GRK5: variants seen among roughly 807,000 people sequenced by gnomAD.
The protein encoded by GRK5 is G protein-coupled receptor kinase 5.
GRK5 carries 40 observed loss-of-function variants against 78.4 expected under a neutral mutation model. That is an observed-to-expected ratio of 0.51 (90% confidence interval 0.40 to 0.66). GRK5 has a LOEUF of 0.66. Ranked by LOEUF, GRK5 falls within the 30% of genes least tolerant of loss-of-function variation. The pLI is 0.00. For synonymous variants in GRK5, 289 were observed against 296.8 expected (o/e 0.97, Z 0.27); for missense variants, 598 against 759.9 (o/e 0.79, Z 2.50).
chr10:119,227,577 C>A (rs1428236129), intron 1 of GRK5, among the ~76,000 whole-genome samples: 1 of 151,864 alleles, frequency 6.6e-6, no homozygotes, highest in Non-Finnish European at 1.5e-5. Flanking sequence ...TCTCAAACAA[C>A]AACAACAGCA....
At chr10:119,254,140 C>T (rs528379757) in intron 1 of GRK5, among the ~76,000 whole-genome samples, 1 of 152,286 alleles carries the variant, frequency 6.6e-6, no homozygotes, top group South Asian at 2.1e-4. Flanking sequence ...TCTTGTAATT[C>T]TAAGCGCCTT....
At chr10:119,260,409 GTCT>G (rs1159848276) in intron 1 of GRK5, among the ~76,000 whole-genome samples, 46 of 141,028 alleles carry the variant, frequency 3.3e-4, no homozygotes, top group Non-Finnish European at 3.9e-4. Flanking sequence ...AGATGACATG[GTCT>G]TTTTTTTTTT....
intron 4 of GRK5, among the ~76,000 whole-genome samples, chr10:119,406,147 G>T (rs377315992): frequency 1.2e-4 from 19 of 152,320 alleles, no homozygotes; most frequent in African/African-American, 4.6e-4. Context: ...GATCCAAAGA[G>T]AATCACTTTT....
intron 2 of GRK5, among the ~76,000 whole-genome samples, chr10:119,365,921 G>C (rs987607842): frequency 6.6e-6 from 1 of 152,218 alleles, no homozygotes; most frequent in Non-Finnish European, 1.5e-5. Context: ...AGCTGCAGTT[G>C]ATGTGTTGGG....
intron 1 of GRK5, among the ~76,000 whole-genome samples, chr10:119,285,326 G>C (rs1849830036): frequency 6.6e-6 from 1 of 152,184 alleles, no homozygotes; most frequent in African/African-American, 2.4e-5. Context: ...GGTTGGTCCT[G>C]AGTACAGTGG....
At chr10:119,265,311 G>A (rs1849476806) in intron 1 of GRK5, among the ~76,000 whole-genome samples, 1 of 152,246 alleles carries the variant, frequency 6.6e-6, no homozygotes, top group African/African-American at 2.4e-5. Context: ...CCGCAGGTGA[G>A]TGGCAGATCA....
chr10:119,331,314 G>A (rs928754538), intron 2 of GRK5, among the ~76,000 whole-genome samples: 1 of 152,246 alleles, frequency 6.6e-6, no homozygotes, highest in East Asian at 1.9e-4. Context: ...AGAGAGGCCC[G>A]GGAAGGGCAG....
intron 1 of GRK5, among the ~76,000 whole-genome samples, chr10:119,235,890 G>A (rs1270536113): frequency 2.6e-5 from 4 of 152,104 alleles, no homozygotes; most frequent in Non-Finnish European, 5.9e-5. Flanking sequence ...TTCCTGAGGG[G>A]CTGGCAGGTA....
chr10:119,399,669 G>A (rs1050330282), intron 4 of GRK5, among the ~76,000 whole-genome samples: 1 of 152,228 alleles, frequency 6.6e-6, no homozygotes, highest in Non-Finnish European at 1.5e-5. Flanking sequence ...GCATATTCAA[G>A]GCTCTGAGAA....
intron 2 of GRK5, among the ~76,000 whole-genome samples, chr10:119,340,215 C>T (rs991243388): frequency 6.6e-6 from 1 of 152,220 alleles, no homozygotes; most frequent in African/African-American, 2.4e-5. Flanking sequence ...CAACCCCCGC[C>T]TCCTGGGTTC....
intron 2 of GRK5, among the ~76,000 whole-genome samples, chr10:119,361,781 C>T (rs994071844): frequency 1.3e-5 from 2 of 151,822 alleles, no homozygotes; most frequent in Non-Finnish European, 2.9e-5. Flanking sequence ...GCCAACATGG[C>T]GAAACCCTGT....
At chr10:119,429,029 C>T (rs950183953) in intron 6 of GRK5, among the ~76,000 whole-genome samples, 2 of 152,196 alleles carry the variant, frequency 1.3e-5, no homozygotes, top group Non-Finnish European at 2.9e-5. Context: ...GGAAGGCTTC[C>T]CAGGGCCACG....
rs1229483567 is a variant in GRK5 at position 119,304,448 on chromosome 10, C to T, written c.53-22068C>T. ...CTGGGATTACAGGCGTGTGCCATCG[C>T]GCCTGGCTAATTTGCTGCTGTCTGT... On this transcript the variant is annotated intron_variant, in intron 1 of 15. Coordinates refer to ENST00000392870, the MANE Select transcript of GRK5 (RefSeq NM_005308.3). 4.6e-5 allele frequency among the ~76,000 whole-genome samples: 7 copies of T among 152,066 alleles called. No individual in the cohort carries two copies. In the East Asian group the frequency reaches 5.8e-4, roughly 13 times the overall value.
intron 4 of GRK5, among the ~76,000 whole-genome samples, chr10:119,413,882 C>T (rs868623925): frequency 1.3e-5 from 2 of 152,180 alleles, no homozygotes; most frequent in Admixed American, 6.5e-5. Flanking sequence ...GCTAAAGACC[C>T]GACTCCCACC....
rs570838877 is a variant in GRK5, at chr10:119,452,922, T to C, written c.1542+114T>C. ...AGGAGGCTGAGCGCATGGTTTCTGT[T>C]TTCTCCATGAAGGCAGCACACAAAA... On this transcript the variant is annotated intron_variant, in intron 14 of 15. Coordinates refer to ENST00000392870, the MANE Select transcript of GRK5 (RefSeq NM_005308.3). This position sits in a 1 kb window ranked among gnomAD's most constrained non-coding sequence, Gnocchi z 4.4. 1.6e-5 allele frequency: 21 copies of C among 1,289,456 alleles called. No homozygotes were observed. In the East Asian group the frequency reaches 4.7e-4, roughly 29 times the overall value. The allele number at this position is 1,289,456 out of a possible 1,614,324, so 79.9% of individuals were successfully genotyped here.
At position 119,412,978 on chromosome 10, in the gene GRK5, G is replaced by A. The variant is rs1013596354; in HGVS notation, c.340-10188G>A. ...TGTGAAGAGCACTTGGAGGCCTCCT[G>A]CTCACCTGGCCTAAGCCCCTGATTT... On this transcript the variant is annotated intron_variant, in intron 4 of 15. Coordinates refer to ENST00000392870, the MANE Select transcript of GRK5 (RefSeq NM_005308.3). This position sits in a 1 kb window ranked among gnomAD's most constrained non-coding sequence, Gnocchi z 4.3. Among the ~76,000 whole-genome samples, 2 of 152,204 alleles carry A rather than the reference G, an allele frequency of 1.3e-5. No homozygotes were observed. The highest frequency in any genetic ancestry group is 2.9e-5 in the Non-Finnish European group (2 of 68,044).
chr10:119,225,298 C>T (rs1317518809), intron 1 of GRK5, among the ~76,000 whole-genome samples: 1 of 152,154 alleles, frequency 6.6e-6, no homozygotes. Flanking sequence ...TAAAAATACA[C>T]AGTACTTCAT....
At chr10:119,433,164 C>T (rs1262240445) in intron 8 of GRK5, among the ~76,000 whole-genome samples, 1 of 152,220 alleles carries the variant, frequency 6.6e-6, no homozygotes, top group Non-Finnish European at 1.5e-5. Flanking sequence ...CCAGGCCACC[C>T]CCAGCTGCCA....
intron 1 of GRK5, among the ~76,000 whole-genome samples, chr10:119,255,726 G>A (rs1421462654): frequency 6.6e-6 from 1 of 152,118 alleles, no homozygotes; most frequent in Non-Finnish European, 1.5e-5. Context: ...TCCCAGACAC[G>A]GGCTCCTTGA....
Sources: allele counts gnomAD v4.1 joint callset (sites outside exome capture counted in the v4.1 genomes callset), GRCh38; gene constraint gnomAD v4.1.1; non-coding constraint Gnocchi (gnomAD v3.1); transcripts MANE v1.5; gene names NCBI Gene and HGNC (gene_info 2026-07-23, HGNC 2026-07-21).